Variants in SLC25A21 observed in about 807,000 individuals in gnomAD.
SLC25A21 encodes solute carrier family 25 member 21, also known as mitochondrial 2-oxodicarboxylate carrier.
Under a neutral mutation model 43.8 loss-of-function variants are expected in SLC25A21, and 47 were observed. The ratio of observed to expected loss-of-function variants is 1.07; its 90% CI spans 0.85 to 1.37. The LOEUF (loss-of-function observed/expected upper bound fraction) is 1.37, where lower values mean the gene tolerates loss of function less well. Among genes scored for constraint, SLC25A21 ranks in the 40% most tolerant of loss-of-function variants. The pLI is 0.00. For missense variants in SLC25A21, 352 were observed against 350.2 expected (o/e 1.00, Z -0.04); for synonymous variants, 131 against 121.3 (o/e 1.08, Z -0.52).
Position 37,172,521 on chromosome 14 carries a change from C to T in SLC25A21, c.-171G>A. On this transcript the variant is annotated 5_prime_UTR_variant, in exon 1 of 10. Coordinates refer to ENST00000331299, the MANE Select transcript of SLC25A21 (RefSeq NM_030631.4). ...AAAGCGAGGGTTCGAGGCGCAGATT[C>T]GTCGCGCGATCTCCGGCGCGTCGGA... 1 of 764,578 alleles carries T rather than the reference C, an allele frequency of 1.3e-6. No homozygotes were observed. Among genetic ancestry groups the T allele is most frequent in the East Asian group, 2.7e-5 (1 of 37,460 alleles). 47.4% of individuals were successfully genotyped at this position (764,578 alleles called of 1,614,324 possible). A position where few individuals can be genotyped will look rare whatever the true frequency, so the allele number is the denominator to read the frequency against.
At chr14:37,125,157 C>T (rs1490203627) in intron 1 of SLC25A21, among the ~76,000 whole-genome samples, 3 of 152,040 alleles carry the variant, frequency 2.0e-5, no homozygotes, top group African/African-American at 4.8e-5. Context: ...TGTGTGACCT[C>T]GGTAAATTAC....
intron 1 of SLC25A21, among the ~76,000 whole-genome samples, chr14:37,161,560 T>C (rs1963940989): frequency 6.6e-6 from 1 of 152,120 alleles, no homozygotes; most frequent in African/African-American, 2.4e-5. Context: ...GGAAATAGGA[T>C]CTTTAAGGAT....
intron 1 of SLC25A21, among the ~76,000 whole-genome samples, chr14:36,954,327 A>T (rs1398221785): frequency 6.6e-6 from 1 of 151,896 alleles, no homozygotes; most frequent in Non-Finnish European, 1.5e-5. Context: ...ATCCTAGAGA[A>T]GTCCTCCTTA....
intron 2 of SLC25A21, among the ~76,000 whole-genome samples, chr14:36,825,967 T>A (rs1435693331): frequency 6.6e-6 from 1 of 152,182 alleles, no homozygotes; most frequent in Non-Finnish European, 1.5e-5. Flanking sequence ...CACTCCCAAG[T>A]AATACCTTAT....
intron 1 of SLC25A21, among the ~76,000 whole-genome samples, chr14:37,015,512 G>A (rs1165521455): frequency 1.3e-5 from 2 of 151,920 alleles, no homozygotes; most frequent in Admixed American, 6.6e-5. Flanking sequence ...ACGTGTGCAT[G>A]TGTCTTTATA....
At chr14:37,049,372 A>C (rs921486422) in intron 1 of SLC25A21, among the ~76,000 whole-genome samples, 2 of 152,128 alleles carry the variant, frequency 1.3e-5, no homozygotes, top group African/African-American at 2.4e-5. Flanking sequence ...AGAGGAGTTC[A>C]AGACCAGCCT....
intron 3 of SLC25A21, among the ~76,000 whole-genome samples, chr14:36,794,675 A>G (rs1887614232): frequency 6.6e-6 from 1 of 152,034 alleles, no homozygotes; most frequent in Non-Finnish European, 1.5e-5. Context: ...AGACTGAGAC[A>G]GGAGAATCGC....
intron 1 of SLC25A21, among the ~76,000 whole-genome samples, chr14:36,981,718 T>A (rs1960028633): frequency 6.6e-6 from 1 of 152,022 alleles, no homozygotes; most frequent in African/African-American, 2.4e-5. Flanking sequence ...GGGATAGCAT[T>A]AGGAGATATA....
intron 3 of SLC25A21, among the ~76,000 whole-genome samples, chr14:36,744,199 T>A (rs1885395720): frequency 6.6e-6 from 1 of 152,070 alleles, no homozygotes; most frequent in Admixed American, 6.6e-5. Context: ...TCCAAATTCA[T>A]ATGGAACCAA....
intron 1 of SLC25A21, among the ~76,000 whole-genome samples, chr14:36,910,108 T>C (rs562670450): frequency 6.6e-6 from 1 of 152,170 alleles, no homozygotes; most frequent in Non-Finnish European, 1.5e-5. Context: ...ACCTAATAAA[T>C]TCACTGAGAT....
intron 1 of SLC25A21, among the ~76,000 whole-genome samples, chr14:37,038,627 G>A (rs1961378555): frequency 6.6e-6 from 1 of 152,192 alleles, no homozygotes; most frequent in Non-Finnish European, 1.5e-5. Flanking sequence ...CACAAATTCA[G>A]GAAGTCAGAA....
At chr14:37,061,584 G>A (rs560797332) in intron 1 of SLC25A21, among the ~76,000 whole-genome samples, 2 of 152,078 alleles carry the variant, frequency 1.3e-5, no homozygotes, top group African/African-American at 4.8e-5. Flanking sequence ...AGAGAACAAT[G>A]AGGAACAAAA....
chr14:37,069,046 A>G (rs1594778363), intron 1 of SLC25A21, among the ~76,000 whole-genome samples: 1 of 152,066 alleles, frequency 6.6e-6, no homozygotes, highest in South Asian at 2.1e-4. Flanking sequence ...GCATGGTGGC[A>G]GGAGCCTGTA....
intron 2 of SLC25A21, among the ~76,000 whole-genome samples, chr14:36,851,522 A>G (rs1449439011): frequency 6.6e-6 from 1 of 152,186 alleles, no homozygotes; most frequent in African/African-American, 2.4e-5. Flanking sequence ...GATAAGGCAG[A>G]CTATTTTTAT....
intron 4 of SLC25A21, among the ~76,000 whole-genome samples, chr14:36,731,201 C>G (rs989939776): frequency 6.6e-6 from 1 of 152,162 alleles, no homozygotes. Context: ...TCTCGATCTC[C>G]TGACCTCGTG....
chr14:37,082,239 G>A (rs533649480), intron 1 of SLC25A21, among the ~76,000 whole-genome samples: 2 of 152,268 alleles, frequency 1.3e-5, no homozygotes, highest in Admixed American at 1.3e-4. Context: ...CTAGAGGGTA[G>A]GGGGAATGGG....
intron 1 of SLC25A21, among the ~76,000 whole-genome samples, chr14:36,976,432 C>T (rs1021096817): frequency 1.3e-5 from 2 of 152,144 alleles, no homozygotes; most frequent in African/African-American, 4.8e-5. Context: ...TCAGACTTCT[C>T]TCTATTGTTG....
chr14:36,809,923 A>G (rs1476054750), intron 3 of SLC25A21, among the ~76,000 whole-genome samples: 1 of 152,204 alleles, frequency 6.6e-6, no homozygotes, highest in Non-Finnish European at 1.5e-5. Context: ...CTAAATAAGA[A>G]AGTCAAAAGA....
chr14:36,983,789 C>T (rs1009442927), intron 1 of SLC25A21, among the ~76,000 whole-genome samples: 1 of 152,080 alleles, frequency 6.6e-6, no homozygotes, highest in Non-Finnish European at 1.5e-5. Flanking sequence ...TATATATACA[C>T]AACGGAATAC....
Sources: allele counts gnomAD v4.1 joint callset (sites outside exome capture counted in the v4.1 genomes callset), GRCh38; gene constraint gnomAD v4.1.1; transcripts MANE v1.5; gene names NCBI Gene and HGNC (gene_info 2026-07-23, HGNC 2026-07-21).